Variants in PVALEF observed in about 807,000 individuals in gnomAD.
The protein encoded by PVALEF is parvalbumin like EF-hand containing.
PVALEF carries 2 observed loss-of-function variants against 1.2 expected under a neutral mutation model. That is an observed-to-expected ratio of 1.68 (90% CI 0.69 to 5.28). The LOEUF is 5.28. PVALEF is among the 30% of genes most tolerant of loss of function. The probability of loss-of-function intolerance (pLI) is 0.06; values close to 1 mark genes in which losing one functional copy is unlikely to be tolerated. For synonymous variants in PVALEF, 16 were observed against 6.5 expected (o/e 2.47, Z -2.24); for missense variants, 35 against 17.7 (o/e 1.97, Z -1.75).
chr17:81,168,057 C>A (rs923625559), intron 2 of PVALEF, among the ~76,000 whole-genome samples: 4 of 152,182 alleles, frequency 2.6e-5, no homozygotes, highest in African/African-American at 9.6e-5. Flanking sequence ...GTCAGGGCCT[C>A]CCCTCCCCAG....
At chr17:81,165,984 C>G (rs1416668695) in intron 1 of PVALEF, 14 of 1,582,218 alleles carry the variant, frequency 8.8e-6, no homozygotes, top group Non-Finnish European at 1.2e-5. Flanking sequence ...TGAAGAAGGA[C>G]GACGACATGG....
At chr17:81,173,151 G>A (rs1316725775) in intron 2 of PVALEF, among the ~76,000 whole-genome samples, 4 of 152,154 alleles carry the variant, frequency 2.6e-5, no homozygotes, top group African/African-American at 7.2e-5. Context: ...ATGCCGGCGA[G>A]GGGAGAGGTG....
intron 2 of PVALEF, among the ~76,000 whole-genome samples, chr17:81,167,237 G>A (rs192937620): frequency 2.6e-5 from 4 of 152,364 alleles, no homozygotes; most frequent in African/African-American, 7.2e-5. Context: ...AGGCCGCAGT[G>A]AGCCAAGATG....
At position 81,182,975 on chromosome 17, in the gene PVALEF, A is replaced by G; in HGVS notation, c.369A>G (p.Glu123=). 2.5e-6 allele frequency: 1 copy of G among 397,486 alleles called. No homozygotes were observed. 24.6% of individuals were successfully genotyped at this position (397,486 alleles called of 1,614,324 possible). Residue 123 remains glutamate, a synonymous_variant, in exon 7 of 7, where the codon GAA becomes GAG. Coordinates refer to ENST00000637878, the MANE Select transcript of PVALEF (RefSeq NM_001354639.2). ...GGTCTCCTGCTCTAGAATTTTCTGA[A>G]TTGATCAAAAAGGAGAAAATTCCAA... ...DGRINYEEFS[E]LIKKEKIPKK...
chr17:81,181,389 G>A, intron 4 of PVALEF, 57 bp downstream of exon 4: 1 of 597,116 alleles, frequency 1.7e-6, no homozygotes, highest in South Asian at 2.1e-5. Flanking sequence ...GCTGTGGTCA[G>A]GAGACCTCAT....
At chr17:81,171,524 C>T (rs932181122) in intron 2 of PVALEF, among the ~76,000 whole-genome samples, 1 of 152,172 alleles carries the variant, frequency 6.6e-6, no homozygotes, top group African/African-American at 2.4e-5. Context: ...TGGAGTCTCA[C>T]TCTGTTACCT....
At chr17:81,165,866 G>C (rs1295099009) in intron 1 of PVALEF, 119 bp downstream of exon 1, 5 of 1,535,666 alleles carry the variant, frequency 3.3e-6, no homozygotes, top group African/African-American at 1.4e-5. Flanking sequence ...ACCGGGAGCC[G>C]TGGGGCCCAG....
rs113860147 is a variant in PVALEF at position 81,181,594 on chromosome 17, C to T, written c.142C>T (p.Arg48Cys). Residue 48 changes from arginine (R) to cysteine (C), a missense_variant, in exon 5 of 7, where the codon CGC becomes TGC. Coordinates refer to ENST00000637878, the MANE Select transcript of PVALEF (RefSeq NM_001354639.2). ...FNYLKFFKHI[R>C]KLHASGQLDD... ...CTACCTCAAGTTCTTCAAGCACATC[C>T]GCAAGCTCCACGCCTCGGGCCAGCT... 4.0e-3 allele frequency: 1,755 copies of T among 434,660 alleles called. 32 individuals carry two copies. Among genetic ancestry groups the T allele is most frequent in the African/African-American group, 0.032 (1,595 of 49,462 alleles). The allele number at this position is 434,660 out of a possible 1,614,324, so 26.9% of individuals were successfully genotyped here.
intron 2 of PVALEF, among the ~76,000 whole-genome samples, chr17:81,168,150 C>T (rs1364733316): frequency 2.0e-5 from 3 of 152,156 alleles, no homozygotes; most frequent in African/African-American, 4.8e-5. Context: ...GGCCAGTGGC[C>T]GTGGGTGGTT....
rs368769522 is a variant in PVALEF, at chr17:81,181,150, G to A, written c.-77G>A. On this transcript the variant is annotated 5_prime_UTR_variant, in exon 4 of 7. Coordinates refer to ENST00000637878, the MANE Select transcript of PVALEF (RefSeq NM_001354639.2). ...GGATCCAGCACCACGCGGCGTCTACGTCTGCTCTGGCCCAAGCAGCACCCC... is the reference window on the plus strand; with the variant it reads ...GGATCCAGCACCACGCGGCGTCTACATCTGCTCTGGCCCAAGCAGCACCCC... The A allele has an allele frequency of 6.2e-5, 43 of 693,720 alleles. No homozygotes were observed. Among genetic ancestry groups the A allele is most frequent in the African/African-American group, 2.8e-4 (16 of 57,060 alleles). The allele number at this position is 693,720 out of a possible 1,614,324, so 43.0% of individuals were successfully genotyped here.
At chr17:81,173,544 G>T (rs1011641861) in intron 2 of PVALEF, among the ~76,000 whole-genome samples, 9 of 152,162 alleles carry the variant, frequency 5.9e-5, no homozygotes, top group African/African-American at 2.2e-4. Flanking sequence ...ATCATATCTT[G>T]CTCTATAGGA....
chr17:81,177,539 G>C (rs1318106320), intron 2 of PVALEF, among the ~76,000 whole-genome samples: 1 of 151,408 alleles, frequency 6.6e-6, no homozygotes, highest in East Asian at 2.0e-4. Context: ...GGGTGATAGA[G>C]TAAGACTCCA....
In PVALEF at chr17:81,182,999, AAAG is replaced by A. The variant is rs753829114; in HGVS notation, c.400_402del (p.Lys134del). On this transcript the variant is annotated inframe_deletion, in exon 7 of 7. Transcript: ENST00000637878. ...AATTGATCAAAAAGGAGAAAATTCC[AAAG>A]AAGAAGTAGCACCATGACTAGCCCT... The A allele has an allele frequency of 1.0e-4, 41 of 398,720 alleles. No individual in the cohort carries two copies. Among genetic ancestry groups the A allele is most frequent in the African/African-American group, 4.3e-4 (21 of 48,784 alleles). The allele number at this position is 398,720 out of a possible 1,614,324, so 24.7% of individuals were successfully genotyped here. A position where few individuals can be genotyped will look rare whatever the true frequency, so the allele number is the denominator to read the frequency against.
chr17:81,171,839 C>T (rs905298059), intron 2 of PVALEF, among the ~76,000 whole-genome samples: 1 of 152,122 alleles, frequency 6.6e-6, no homozygotes, highest in Admixed American at 6.5e-5. Flanking sequence ...TAAAATGAAT[C>T]GGCTTGAAGT....
Position 81,169,650 on chromosome 17 carries a change from TC to T in PVALEF, c.-340+2808del, listed in dbSNP as rs2146442675. On this transcript the variant is annotated intron_variant, in intron 2 of 6. Transcript: ENST00000637878. ...CCAGGGGAGGGTCCTTCCTGCCTCT[TC>T]CGGCTACTGGTGGCCCTAGGCCTTC... Among the ~76,000 whole-genome samples, 3 of 152,264 alleles carry T rather than the reference TC, an allele frequency of 2.0e-5. 1 individual carries two copies. The South Asian group carries it at 6.2e-4, about 31-fold the overall frequency.
intron 2 of PVALEF, among the ~76,000 whole-genome samples, chr17:81,177,084 C>T (rs938378518): frequency 2.0e-5 from 3 of 151,464 alleles, no homozygotes; most frequent in African/African-American, 7.3e-5. Context: ...GCACCACCAA[C>T]GCTGGCTAAT....
At chr17:81,171,760 G>A (rs572172904) in intron 2 of PVALEF, among the ~76,000 whole-genome samples, 198 of 152,226 alleles carry the variant, frequency 1.3e-3, no homozygotes, top group African/African-American at 4.7e-3. Context: ...CCAAAGTGCT[G>A]GGATTACAGG....
chr17:81,165,658 G>A lies in PVALEF; in HGVS notation c.-597G>A, dbSNP rs2061479069. 4.7e-6 allele frequency: 7 copies of A among 1,494,382 alleles called. No homozygotes were observed. The highest frequency in any genetic ancestry group is 5.4e-6 in the Non-Finnish European group (6 of 1,120,422). The allele number at this position is 1,494,382 out of a possible 1,614,324, so 92.6% of individuals were successfully genotyped here. On this transcript the variant is annotated 5_prime_UTR_variant, in exon 1 of 7. Coordinates refer to ENST00000637878, the MANE Select transcript of PVALEF (RefSeq NM_001354639.2). ...ACTCTCCTGGACACCAGGGGCCCAC[G>A]CAGGCCCTCCGTGCCCCAGTTACCT...
intron 2 of PVALEF, among the ~76,000 whole-genome samples, chr17:81,170,866 C>T (rs368553634): frequency 2.8e-4 from 43 of 152,218 alleles, no homozygotes; most frequent in African/African-American, 9.9e-4. Context: ...GTGCTTGGGC[C>T]CCTCCAGCCC....
Sources: allele counts gnomAD v4.1 joint callset (sites outside exome capture counted in the v4.1 genomes callset), GRCh38; gene constraint gnomAD v4.1.1; transcripts MANE v1.5; gene names NCBI Gene and HGNC (gene_info 2026-07-23, HGNC 2026-07-21).